Variants in DACH1 observed in about 807,000 individuals in gnomAD.
DACH1 encodes dachshund family transcription factor 1, also known as dachshund homolog 1.
A neutral mutation model predicts 54.2 loss-of-function variants in DACH1; 12 were observed. The ratio of observed to expected loss-of-function variants is 0.22; its 90% CI spans 0.14 to 0.36. The LOEUF is 0.36. DACH1 is among the 10% of genes least tolerant of loss of function. DACH1 has a pLI of 1.00. For missense variants in DACH1, 805 were observed against 929.8 expected, an observed-to-expected ratio of 0.87 and a Z score of 1.75; for synonymous variants, 386 against 366.2, an observed-to-expected ratio of 1.05 and a Z score of -0.62.
At chr13:71,541,332 G>A (rs1041367848) in intron 6 of DACH1, among the ~76,000 whole-genome samples, 2 of 151,954 alleles carry the variant, frequency 1.3e-5, no homozygotes, top group Admixed American at 1.3e-4. Context: ...AATGTCTTTT[G>A]TAAGGGCTTT....
chr13:71,749,449 G>T (rs1884826036), intron 1 of DACH1, among the ~76,000 whole-genome samples: 1 of 151,982 alleles, frequency 6.6e-6, no homozygotes, highest in Non-Finnish European at 1.5e-5. Flanking sequence ...TTAAGAAAAA[G>T]TTGAACAAAT....
At chr13:71,450,695 C>T (rs1050109907) in intron 10 of DACH1, among the ~76,000 whole-genome samples, 1 of 151,800 alleles carries the variant, frequency 6.6e-6, no homozygotes, top group Non-Finnish European at 1.5e-5. Context: ...GAATGAAAAA[C>T]AAAAGTTCTT....
chr13:71,793,546 T>C (rs915274551), intron 1 of DACH1, among the ~76,000 whole-genome samples: 15 of 152,350 alleles, frequency 9.8e-5, no homozygotes, highest in Admixed American at 6.5e-5. Flanking sequence ...TTTTTTTCTT[T>C]CTTTTTGGAA....
chr13:71,648,155 T>C (rs1225992633), intron 2 of DACH1, among the ~76,000 whole-genome samples: 1 of 152,214 alleles, frequency 6.6e-6, no homozygotes, highest in Non-Finnish European at 1.5e-5. Context: ...GCATCCTTCA[T>C]TTAATTACTA....
chr13:71,534,166 G>T (rs538404266), intron 6 of DACH1, among the ~76,000 whole-genome samples: 1 of 152,038 alleles, frequency 6.6e-6, no homozygotes, highest in South Asian at 2.1e-4. Context: ...ATGAACAACT[G>T]ATAAAAAGTC....
intron 1 of DACH1, among the ~76,000 whole-genome samples, chr13:71,695,726 G>A (rs9542736): frequency 0.018 from 2,806 of 152,238 alleles, 48 homozygotes; most frequent in Non-Finnish European, 0.028. Context: ...CAGCTATATT[G>A]CAAGTCCTTT....
At chr13:71,751,216 C>T (rs868142977) in intron 1 of DACH1, among the ~76,000 whole-genome samples, 4 of 152,200 alleles carry the variant, frequency 2.6e-5, no homozygotes, top group East Asian at 1.9e-4. Flanking sequence ...GTTTCTGCTG[C>T]GTCAGTCATC....
chr13:71,673,306 G>A (rs1291719326), intron 2 of DACH1, among the ~76,000 whole-genome samples: 1 of 152,044 alleles, frequency 6.6e-6, no homozygotes, highest in Non-Finnish European at 1.5e-5. Flanking sequence ...AGGGTATATT[G>A]TGATTTAACA....
At chr13:71,787,989 G>A (rs1252650091) in intron 1 of DACH1, among the ~76,000 whole-genome samples, 10 of 152,142 alleles carry the variant, frequency 6.6e-5, no homozygotes, top group Non-Finnish European at 1.3e-4. Flanking sequence ...CAGTGATATA[G>A]TAGTGTATAG....
intron 3 of DACH1, among the ~76,000 whole-genome samples, chr13:71,627,454 T>C (rs1876734961): frequency 6.6e-6 from 1 of 151,676 alleles, no homozygotes; most frequent in Non-Finnish European, 1.5e-5. Context: ...CAAGACTGAG[T>C]AGCAACAATA....
intron 6 of DACH1, among the ~76,000 whole-genome samples, chr13:71,539,367 C>A (rs1882997455): frequency 6.6e-6 from 1 of 151,988 alleles, no homozygotes; most frequent in South Asian, 2.1e-4. Context: ...GTTGTGTGCA[C>A]CCTTTCAGTT....
At chr13:71,671,151 A>C in intron 2 of DACH1, among the ~76,000 whole-genome samples, 1 of 152,014 alleles carries the variant, frequency 6.6e-6, no homozygotes, top group East Asian at 1.9e-4. Context: ...TCACAACTTT[A>C]AATATTTCTT....
intron 1 of DACH1, among the ~76,000 whole-genome samples, chr13:71,698,882 G>A (rs922183304): frequency 2.0e-5 from 3 of 152,014 alleles, no homozygotes; most frequent in African/African-American, 7.2e-5. Context: ...AGAGAAACAC[G>A]GAAGGTACTA....
chr13:71,473,211 G>C (rs1228728858), intron 10 of DACH1, among the ~76,000 whole-genome samples: 1 of 152,144 alleles, frequency 6.6e-6, no homozygotes, highest in Non-Finnish European at 1.5e-5. Context: ...CAGGCTGAAT[G>C]AATGAATAAA....
intron 1 of DACH1, among the ~76,000 whole-genome samples, chr13:71,771,288 C>G (rs899230944): frequency 3.4e-5 from 5 of 148,798 alleles, no homozygotes; most frequent in African/African-American, 4.9e-5. Context: ...AGAAGAACAC[C>G]ACCAGCAAAT....
intron 10 of DACH1, among the ~76,000 whole-genome samples, chr13:71,466,346 T>A (rs1876564991): frequency 6.6e-6 from 1 of 152,192 alleles, no homozygotes; most frequent in African/African-American, 2.4e-5. Flanking sequence ...TTTTTTCAAC[T>A]TTATTTATGC....
At chr13:71,467,730 A>G (rs1876718866) in intron 10 of DACH1, among the ~76,000 whole-genome samples, 2 of 152,118 alleles carry the variant, frequency 1.3e-5, no homozygotes, top group South Asian at 4.1e-4. Context: ...GTTCAATTTA[A>G]TCAGTGACAT....
intron 1 of DACH1, among the ~76,000 whole-genome samples, chr13:71,729,922 T>C (rs1883659675): frequency 6.6e-6 from 1 of 152,084 alleles, no homozygotes; most frequent in South Asian, 2.1e-4. Context: ...GTATCCTAAA[T>C]GCAATAATAT....
chr13:71,468,664 A>G (rs1226414553), intron 10 of DACH1, among the ~76,000 whole-genome samples: 1 of 152,222 alleles, frequency 6.6e-6, no homozygotes, highest in Non-Finnish European at 1.5e-5. Flanking sequence ...GCATACGTCA[A>G]AAGAAACAAA....
Sources: allele counts gnomAD v4.1 joint callset (sites outside exome capture counted in the v4.1 genomes callset), GRCh38; gene constraint gnomAD v4.1.1; transcripts MANE v1.5; gene names NCBI Gene and HGNC (gene_info 2026-07-23, HGNC 2026-07-21).